The following ARL15 variants were observed in gnomAD, a reference collection of about 807,000 sequenced individuals.
ARL15 encodes ARF like GTPase 15.
In ARL15, 19 loss-of-function variants were observed where a neutral mutation model predicts 25.2. The ratio of observed to expected loss-of-function variants is 0.75; its 90% CI spans 0.53 to 1.10. The LOEUF (loss-of-function observed/expected upper bound fraction) is 1.10, where lower values mean the gene tolerates loss of function less well. Ranked by LOEUF, ARL15 falls within the 50% of genes least tolerant of loss-of-function variation. The pLI is 0.00. For synonymous variants in ARL15, 94 were observed against 86.8 expected, an observed-to-expected ratio of 1.08 and a Z score of -0.46; for missense variants, 220 against 246.0, an observed-to-expected ratio of 0.89 and a Z score of 0.71.
chr5:54,287,062 T>G (rs371539865), intron 1 of ARL15, among the ~76,000 whole-genome samples: 3 of 151,890 alleles, frequency 2.0e-5, no homozygotes, highest in African/African-American at 7.3e-5. Flanking sequence ...TATTTTTTTG[T>G]AGAGATGAGT....
At chr5:54,116,063 C>A (rs941274929) in intron 3 of ARL15, among the ~76,000 whole-genome samples, 1 of 152,210 alleles carries the variant, frequency 6.6e-6, no homozygotes, top group African/African-American at 2.4e-5. Flanking sequence ...CGATAAGGAA[C>A]TCTAAAGCAT....
chr5:53,908,488 G>C (rs1745344981), intron 4 of ARL15, among the ~76,000 whole-genome samples: 1 of 152,094 alleles, frequency 6.6e-6, no homozygotes, highest in Non-Finnish European at 1.5e-5. Flanking sequence ...GATATGCATA[G>C]GTAATATGCA....
At chr5:53,916,112 A>T (rs1745638834) in intron 4 of ARL15, among the ~76,000 whole-genome samples, 1 of 151,220 alleles carries the variant, frequency 6.6e-6, no homozygotes, top group Non-Finnish European at 1.5e-5. Flanking sequence ...ACTGTCTTGA[A>T]CTCCTGGGCT....
chr5:54,098,675 A>T (rs535339842), intron 4 of ARL15, among the ~76,000 whole-genome samples: 1 of 152,316 alleles, frequency 6.6e-6, no homozygotes, highest in Admixed American at 6.5e-5. Flanking sequence ...TAAGGAATAC[A>T]GAGATACGAT....
At chr5:54,161,658 G>T (rs944689470) in intron 2 of ARL15, among the ~76,000 whole-genome samples, 1 of 152,094 alleles carries the variant, frequency 6.6e-6, no homozygotes, top group Admixed American at 6.6e-5. Flanking sequence ...GATGTTATTT[G>T]TAAGTGTGGT....
intron 1 of ARL15, among the ~76,000 whole-genome samples, chr5:54,303,837 A>AG (rs1307227610): frequency 4.6e-5 from 7 of 152,102 alleles, no homozygotes; most frequent in Non-Finnish European, 1.0e-4. Context: ...AAGTGACACT[A>AG]GGGGGCTGAG....
chr5:54,190,972 AC>A (rs1755380755), intron 1 of ARL15, among the ~76,000 whole-genome samples: 1 of 152,192 alleles, frequency 6.6e-6, no homozygotes, highest in African/African-American at 2.4e-5. Context: ...ACTCAAAAGA[AC>A]TGAAAGCAGG....
chr5:53,892,516 G>A (rs1744749206), intron 4 of ARL15, among the ~76,000 whole-genome samples: 1 of 151,990 alleles, frequency 6.6e-6, no homozygotes, highest in Admixed American at 6.6e-5. Context: ...TCCATTGCAT[G>A]GCATGTATTT....
At chr5:54,208,675 G>A (rs1755945291) in intron 1 of ARL15, among the ~76,000 whole-genome samples, 1 of 152,116 alleles carries the variant, frequency 6.6e-6, no homozygotes, top group Non-Finnish European at 1.5e-5. Flanking sequence ...TCAGTCATGA[G>A]TCCAATAAGC....
intron 2 of ARL15, among the ~76,000 whole-genome samples, chr5:54,161,842 C>A (rs1468968284): frequency 6.6e-6 from 1 of 152,138 alleles, no homozygotes; most frequent in Non-Finnish European, 1.5e-5. Flanking sequence ...CCTAGTCCAG[C>A]TATTCTGCCA....
chr5:54,051,831 C>T (rs1387600141), intron 4 of ARL15, among the ~76,000 whole-genome samples: 2 of 152,106 alleles, frequency 1.3e-5, no homozygotes, highest in Admixed American at 1.3e-4. Flanking sequence ...CACACAAAGC[C>T]TATATGCAAA....
At chr5:54,021,680 A>G (rs563819630) in intron 4 of ARL15, among the ~76,000 whole-genome samples, 9 of 152,314 alleles carry the variant, frequency 5.9e-5, no homozygotes, top group African/African-American at 2.2e-4. Context: ...TTCAGAGGGA[A>G]AAAAGAAAGA....
chr5:54,056,264 A>G (rs1405468732), intron 4 of ARL15, among the ~76,000 whole-genome samples: 1 of 152,152 alleles, frequency 6.6e-6, no homozygotes, highest in African/African-American at 2.4e-5. Context: ...TTAACCCAAT[A>G]GTGGTAGCCA....
chr5:54,067,493 C>T (rs1297058253), intron 4 of ARL15, among the ~76,000 whole-genome samples: 5 of 152,028 alleles, frequency 3.3e-5, no homozygotes, highest in Non-Finnish European at 7.4e-5. Context: ...TTCATTTATT[C>T]AGTTACATCA....
At chr5:54,061,004 A>G (rs1004767610) in intron 4 of ARL15, among the ~76,000 whole-genome samples, 1 of 152,248 alleles carries the variant, frequency 6.6e-6, no homozygotes, top group Admixed American at 6.5e-5. Flanking sequence ...AGAAATTTAC[A>G]TAAGTAATGA....
At chr5:54,201,070 A>T (rs1755710452) in intron 1 of ARL15, among the ~76,000 whole-genome samples, 1 of 151,768 alleles carries the variant, frequency 6.6e-6, no homozygotes, top group Non-Finnish European at 1.5e-5. Flanking sequence ...GAGTTGAGTG[A>T]TTCTCATTTA....
intron 4 of ARL15, among the ~76,000 whole-genome samples, chr5:54,060,119 A>G: frequency 7.7e-6 from 1 of 130,564 alleles, no homozygotes; most frequent in Non-Finnish European, 1.6e-5. Context: ...GTCTCATGAG[A>G]TCTGATGACT....
chr5:53,926,627 C>A (rs989621879), intron 4 of ARL15, among the ~76,000 whole-genome samples: 4 of 152,120 alleles, frequency 2.6e-5, no homozygotes. Context: ...GAGTGGCTTC[C>A]TCTTCTTCAG....
intron 4 of ARL15, among the ~76,000 whole-genome samples, chr5:53,990,243 A>AT (rs1561179124): frequency 1.1e-5 from 1 of 89,010 alleles, no homozygotes; most frequent in East Asian, 7.5e-4. Context: ...TAAAAAAAAA[A>AT]TAGTTAAAAA....
Sources: gnomAD v4.1 joint callset for allele counts (sites outside exome capture counted in the v4.1 genomes callset) on GRCh38, gnomAD v4.1.1 for gene constraint, MANE v1.5 for transcripts, NCBI Gene and HGNC (gene_info 2026-07-23, HGNC 2026-07-21) for gene names.